ARHGEF28: variants seen among roughly 807,000 people sequenced by gnomAD.
ARHGEF28 encodes 190 kDa guanine nucleotide exchange factor.
In ARHGEF28, 152 loss-of-function variants were observed where a neutral mutation model predicts 206.6. That is an observed-to-expected ratio of 0.74 (90% CI 0.64 to 0.84). The LOEUF is 0.84. Among genes scored for constraint, ARHGEF28 ranks in the 40% least tolerant of loss-of-function variants. The probability of loss-of-function intolerance (pLI) is 0.00; values close to 1 mark genes in which losing one functional copy is unlikely to be tolerated. For synonymous variants in ARHGEF28, 763 were observed against 776.4 expected, an observed-to-expected ratio of 0.98 and a Z score of 0.29; for missense variants, 2,028 against 2,073.2, an observed-to-expected ratio of 0.98 and a Z score of 0.42.
intron 10 of ARHGEF28, among the ~76,000 whole-genome samples, chr5:73,839,053 G>T (rs571687982): frequency 2.6e-5 from 4 of 152,228 alleles, no homozygotes; most frequent in African/African-American, 9.6e-5. Context: ...GTGTCTTTCA[G>T]TTTTGGTTTA....
At chr5:73,878,489 C>A (rs976497817) in intron 22 of ARHGEF28, among the ~76,000 whole-genome samples, 2 of 151,512 alleles carry the variant, frequency 1.3e-5, no homozygotes, top group African/African-American at 4.9e-5. Flanking sequence ...GGTTATTTGC[C>A]TCGTTAGTTG....
chr5:73,825,740 C>T (rs1257668285), intron 9 of ARHGEF28, among the ~76,000 whole-genome samples: 2 of 152,096 alleles, frequency 1.3e-5, no homozygotes, highest in Non-Finnish European at 2.9e-5. Context: ...AGAAAGAAAA[C>T]AGTCAAGGGT....
At position 73,774,003 on chromosome 5, in the gene ARHGEF28, T is replaced by A. The variant is rs1165175227; in HGVS notation, c.624T>A (p.Arg208=). The change falls in exon 5 of 36, where the codon CGT becomes CGA. Residue 208 remains arginine (R), a synonymous_variant. Coordinates refer to ENST00000513042, the MANE Select transcript of ARHGEF28 (RefSeq NM_001177693.2). ...EGATPLDLAL[R]EGHSKLVEDV... ...CCACACCATTAGACTTAGCTTTACG[T>A]GAAGGACACTCCAAGCTGGTGGAAG... 6.2e-7 allele frequency: 1 copy of A among 1,603,748 alleles called. No individual in the cohort carries two copies. The highest frequency in any genetic ancestry group is 2.2e-5 in the East Asian group (1 of 44,654).
intron 1 of ARHGEF28, among the ~76,000 whole-genome samples, chr5:73,657,881 C>T (rs759818011): frequency 1.3e-5 from 2 of 152,176 alleles, no homozygotes; most frequent in Non-Finnish European, 2.9e-5. Context: ...GATGTCTCCC[C>T]TTCCCTCAGT....
intron 34 of ARHGEF28, 60 bp from the exon 35 acceptor site, chr5:73,911,215 T>G: frequency 7.0e-7 from 1 of 1,421,338 alleles, no homozygotes. Context: ...GAATAAATAC[T>G]TTATGAAACT....
At position 73,817,025 on chromosome 5, in the gene ARHGEF28, A is replaced by G. The variant is rs570420374; in HGVS notation, c.1025-15313A>G. Among the ~76,000 whole-genome samples the G allele has an allele frequency of 2.0e-5, 3 of 152,396 alleles. No homozygotes were observed. The South Asian group carries it at 6.2e-4, about 32-fold the overall frequency. On this transcript the variant is annotated intron_variant, in intron 9 of 35. Coordinates refer to ENST00000513042, the MANE Select transcript of ARHGEF28 (RefSeq NM_001177693.2). ...CAAGAAATGTATTGCTTATTAATCA[A>G]CGATTGAAAAATACAGGAATTAGGC...
rs558755920 is a variant in ARHGEF28, at chr5:73,745,668, T to C, written c.34-4169T>C. ...CTACATTTGTGATTCCTGTTTTCCA[T>C]GTGACTTGGCCTTCCAAGATTTTAT... On this transcript the variant is annotated intron_variant, in intron 2 of 35. Transcript: ENST00000513042. Among the ~76,000 whole-genome samples the C allele has an allele frequency of 3.5e-4, 53 of 152,182 alleles. 1 individual carries two copies. Among genetic ancestry groups the C allele is most frequent in the African/African-American group, 1.2e-3 (49 of 41,576 alleles).
At chr5:73,635,369 T>C (rs1743640561) in intron 1 of ARHGEF28, among the ~76,000 whole-genome samples, 1 of 152,142 alleles carries the variant, frequency 6.6e-6, no homozygotes, top group Non-Finnish European at 1.5e-5. Context: ...AAGCCATTTT[T>C]TTTTTATCAT....
chr5:73,681,880 A>G (rs1232841048), intron 1 of ARHGEF28, among the ~76,000 whole-genome samples: 1 of 152,128 alleles, frequency 6.6e-6, no homozygotes, highest in African/African-American at 2.4e-5. Context: ...CAGGAGGATC[A>G]CTTGAGGCCA....
At chr5:73,786,837 C>T (rs1277440426) in intron 7 of ARHGEF28, among the ~76,000 whole-genome samples, 1 of 152,108 alleles carries the variant, frequency 6.6e-6, no homozygotes, top group East Asian at 1.9e-4. Flanking sequence ...ATGGTGGATT[C>T]AATGGTAAAG....
At chr5:73,728,801 T>G (rs1414261962) in intron 2 of ARHGEF28, among the ~76,000 whole-genome samples, 4 of 152,188 alleles carry the variant, frequency 2.6e-5, no homozygotes, top group Non-Finnish European at 5.9e-5. Flanking sequence ...ACATATATCT[T>G]GTGTTCCAAA....
intron 10 of ARHGEF28, among the ~76,000 whole-genome samples, chr5:73,836,689 T>C (rs1160647331): frequency 1.3e-5 from 2 of 152,202 alleles, no homozygotes; most frequent in Admixed American, 1.3e-4. Context: ...TTTATTTTGC[T>C]TTTCTTGCTT....
At chr5:73,907,970 A>G (rs1323421760) in intron 33 of ARHGEF28, among the ~76,000 whole-genome samples, 2 of 152,188 alleles carry the variant, frequency 1.3e-5, no homozygotes, top group African/African-American at 2.4e-5. Flanking sequence ...ACTGGTCCCT[A>G]AAGATTTATT....
At chr5:73,739,130 C>CA in intron 2 of ARHGEF28, among the ~76,000 whole-genome samples, 1 of 149,818 alleles carries the variant, frequency 6.7e-6, no homozygotes, top group South Asian at 2.1e-4. Flanking sequence ...AAAAGGAAAC[C>CA]TTTTTTTTTT....
At chr5:73,685,963 T>G (rs375591575) in intron 2 of ARHGEF28, among the ~76,000 whole-genome samples, 2 of 152,178 alleles carry the variant, frequency 1.3e-5, no homozygotes, top group Non-Finnish European at 2.9e-5. Context: ...TTGATGAGAA[T>G]AGATTCATCC....
rs1027024113 is a variant in ARHGEF28, at chr5:73,832,237, A to T, written c.1025-101A>T. ...AATCTAGCCAAAAGCCCTCTTAAAA[A>T]ATGCACTTGACTTTTTTTCTTATGG... is the stretch of plus-strand genomic sequence containing the variant. On this transcript the variant is annotated intron_variant, in intron 9 of 35. Coordinates refer to ENST00000513042, the MANE Select transcript of ARHGEF28 (RefSeq NM_001177693.2). 8.6e-6 allele frequency: 12 copies of T among 1,397,904 alleles called. No homozygotes were observed. In the African/African-American group the frequency reaches 1.2e-4, roughly 13 times the overall value. The allele number at this position is 1,397,904 out of a possible 1,614,324, so 86.6% of individuals were successfully genotyped here. A position where few individuals can be genotyped will look rare whatever the true frequency, so the allele number is the denominator to read the frequency against.
At chr5:73,882,418 T>C (rs1761011606) in intron 22 of ARHGEF28, 54 bp from the exon 23 acceptor site, 3 of 1,207,016 alleles carry the variant, frequency 2.5e-6, no homozygotes, top group African/African-American at 1.6e-5. Flanking sequence ...ATATTTTTTG[T>C]GTGTTTAGAA....
chr5:73,727,448 T>C (rs1036824210), intron 2 of ARHGEF28, among the ~76,000 whole-genome samples: 1 of 152,202 alleles, frequency 6.6e-6, no homozygotes, highest in African/African-American at 2.4e-5. Flanking sequence ...TTCCCTCTAA[T>C]GACAGGAATA....
intron 28 of ARHGEF28, 44 bp from the exon 29 acceptor site, chr5:73,894,349 A>T: frequency 6.6e-7 from 1 of 1,519,822 alleles, no homozygotes; most frequent in Non-Finnish European, 8.9e-7. Flanking sequence ...TAGTGGTTGT[A>T]TTCATGTTAG....
Sources: allele counts gnomAD v4.1 joint callset (sites outside exome capture counted in the v4.1 genomes callset), GRCh38; gene constraint gnomAD v4.1.1; transcripts MANE v1.5; gene names NCBI Gene and HGNC (gene_info 2026-07-23, HGNC 2026-07-21).